DACH1: variants seen among roughly 807,000 people sequenced by gnomAD.
DACH1 encodes dachshund family transcription factor 1.
Under a neutral mutation model 54.2 loss-of-function variants are expected in DACH1, and 12 were observed. That is an observed-to-expected ratio of 0.22 (90% CI 0.14 to 0.36). The LOEUF (loss-of-function observed/expected upper bound fraction) is 0.36, where lower values mean the gene tolerates loss of function less well. Among genes scored for constraint, DACH1 ranks in the 10% least tolerant of loss-of-function variants. The pLI, the probability that DACH1 is intolerant of heterozygous loss-of-function variation, is 1.00. For missense variants in DACH1, 805 were observed against 929.8 expected (o/e 0.87, Z 1.75); for synonymous variants, 386 against 366.2 (o/e 1.05, Z -0.62).
chr13:71,866,665 C>A lies in DACH1; in HGVS notation c.105G>T (p.Ser35=), dbSNP rs367566575. 1 of 1,438,108 alleles carries A rather than the reference C, an allele frequency of 7.0e-7. No individual in the cohort carries two copies. 89.1% of individuals were successfully genotyped at this position (1,438,108 alleles called of 1,614,324 possible). ...SSSGTTTSTS[S]ATSSPAPSIG... ...TGGAAGGAGCCGGAGACGAAGTCGC[C>A]GAAGAGGTGGAGGTGGTGGTGCCAG... is the stretch of plus-strand genomic sequence containing the variant. The change falls in exon 1 of 11, where the codon TCG becomes TCT. Residue 35 remains serine, a synonymous_variant. Coordinates refer to ENST00000613252, the MANE Select transcript of DACH1 (RefSeq NM_080759.6).
At chr13:71,791,348 T>A (rs753948499) in intron 1 of DACH1, among the ~76,000 whole-genome samples, 1 of 151,984 alleles carries the variant, frequency 6.6e-6, no homozygotes, top group Non-Finnish European at 1.5e-5. Flanking sequence ...AATAAGAGGG[T>A]GGAGCTATTC....
intron 1 of DACH1, among the ~76,000 whole-genome samples, chr13:71,720,721 C>A (rs1384824867): frequency 6.6e-6 from 1 of 152,072 alleles, no homozygotes; most frequent in Non-Finnish European, 1.5e-5. Context: ...CTTTGCTATC[C>A]ATATAAAAGA....
At chr13:71,630,484 G>T (rs1451255901) in intron 3 of DACH1, 72 bp downstream of exon 3, 2 of 1,466,066 alleles carry the variant, frequency 1.4e-6, no homozygotes, top group African/African-American at 1.4e-5. Flanking sequence ...CAACAGTTTT[G>T]TTCTGGAAAA....
intron 3 of DACH1, among the ~76,000 whole-genome samples, chr13:71,617,942 G>T (rs961669506): frequency 1.8e-4 from 27 of 152,022 alleles, no homozygotes; most frequent in African/African-American, 6.5e-4. Flanking sequence ...ACTTGTTTTG[G>T]TCTGCTCACT....
At chr13:71,709,840 A>G (rs1882626592) in intron 1 of DACH1, among the ~76,000 whole-genome samples, 1 of 152,142 alleles carries the variant, frequency 6.6e-6, no homozygotes, top group Non-Finnish European at 1.5e-5. Flanking sequence ...AAATAAATAC[A>G]CCCACACACA....
intron 6 of DACH1, among the ~76,000 whole-genome samples, chr13:71,525,406 T>A (rs1397562500): frequency 2.0e-5 from 3 of 152,162 alleles, no homozygotes; most frequent in Non-Finnish European, 4.4e-5. Context: ...AACTAATGGA[T>A]TAATGAAAAC....
chr13:71,773,964 T>C (rs1352105874), intron 1 of DACH1, among the ~76,000 whole-genome samples: 10 of 142,562 alleles, frequency 7.0e-5, no homozygotes, highest in African/African-American at 1.1e-4. Context: ...CCAGTCACTC[T>C]ATTGCCTGTT....
chr13:71,618,331 A>G (rs548510727), intron 3 of DACH1, among the ~76,000 whole-genome samples: 42 of 152,222 alleles, frequency 2.8e-4, no homozygotes, highest in African/African-American at 9.9e-4. Context: ...TAGTTGATAG[A>G]AAAACTCAGA....
intron 3 of DACH1, among the ~76,000 whole-genome samples, chr13:71,592,625 A>G (rs1873816751): frequency 6.6e-6 from 1 of 152,020 alleles, no homozygotes; most frequent in African/African-American, 2.4e-5. Flanking sequence ...TACAAATATT[A>G]TGATTTGAGG....
At position 71,864,870 on chromosome 13, in the gene DACH1, G is replaced by A. The variant is rs553794829; in HGVS notation, c.848+1052C>T. Among the ~76,000 whole-genome samples the A allele has an allele frequency of 1.1e-4, 17 of 152,218 alleles. No homozygotes were observed. In the East Asian group the frequency reaches 2.7e-3, roughly 24 times the overall value. Reference sequence around the variant, plus strand: ...GCTGGGCTGGGGAAGCCAAGGCACAGAGTATCAGGGCCGCTGAGCATCCCA... The same window carrying A: ...GCTGGGCTGGGGAAGCCAAGGCACAAAGTATCAGGGCCGCTGAGCATCCCA... On this transcript the variant is annotated intron_variant, in intron 1 of 10. Transcript: ENST00000613252.
chr13:71,734,869 C>CCCCATATACATATACGTATAT lies in DACH1; in HGVS notation c.849-52980_849-52960dup, dbSNP rs1165879276. On this transcript the variant is annotated intron_variant, in intron 1 of 10. Transcript: ENST00000613252. The stretch of plus-strand genomic sequence containing the variant: ...TATATGTATATCCCATATACGTATA[C>CCCCATATACATATACGTATAT]CCCATATACATATACGTATATCCCA... 6.6e-3 allele frequency among the ~76,000 whole-genome samples: 943 copies of CCCCATATACATATACGTATAT among 143,590 alleles called. 26 individuals are homozygous for CCCCATATACATATACGTATAT. The highest frequency in any genetic ancestry group is 0.034 in the East Asian group (162 of 4,802). The allele number at this position is 143,590 out of a possible 152,430, so 94.2% of individuals were successfully genotyped here.
intron 1 of DACH1, among the ~76,000 whole-genome samples, chr13:71,776,423 A>G (rs887485369): frequency 1.3e-5 from 2 of 152,146 alleles, no homozygotes; most frequent in African/African-American, 4.8e-5. Context: ...GGAAATACCT[A>G]AAGAAAAGTT....
Position 71,471,438 on chromosome 13 carries a change from G to C in DACH1, c.2083+3703C>G, listed in dbSNP as rs116461960. On this transcript the variant is annotated intron_variant, in intron 10 of 10. Coordinates refer to ENST00000613252, the MANE Select transcript of DACH1 (RefSeq NM_080759.6). ...AGATGTCTGAGTGGATTGGAAAAAT[G>C]TCTATAAATTTTCTAAATATGTAAG... Among the ~76,000 whole-genome samples the C allele has an allele frequency of 2.9e-3, 437 of 152,172 alleles. 1 individual carries two copies. The highest frequency in any genetic ancestry group is 9.8e-3 in the African/African-American group (409 of 41,532).
intron 2 of DACH1, among the ~76,000 whole-genome samples, chr13:71,650,175 ATATCATGTGTATTT>A (rs1207135454): frequency 6.6e-6 from 1 of 152,172 alleles, no homozygotes; most frequent in Non-Finnish European, 1.5e-5. Flanking sequence ...ATAACTAATA[ATATCATGTGTATTT>A]CCCCCATATT....
At chr13:71,599,043 A>C (rs1207648745) in intron 3 of DACH1, among the ~76,000 whole-genome samples, 3 of 152,126 alleles carry the variant, frequency 2.0e-5, no homozygotes, top group Non-Finnish European at 4.4e-5. Context: ...TATAGCTCTA[A>C]ACATGTCATT....
At chr13:71,490,423 A>G (rs1422796655) in intron 6 of DACH1, among the ~76,000 whole-genome samples, 1 of 152,176 alleles carries the variant, frequency 6.6e-6, no homozygotes, top group Non-Finnish European at 1.5e-5. Flanking sequence ...CCAAAAGGAA[A>G]GAAAAGCTGG....
At chr13:71,486,451 G>T (rs1390304023) in intron 7 of DACH1, among the ~76,000 whole-genome samples, 3 of 152,032 alleles carry the variant, frequency 2.0e-5, no homozygotes, top group Non-Finnish European at 4.4e-5. Flanking sequence ...GGTCATGACT[G>T]TTTAAACATT....
At chr13:71,638,937 A>G (rs1405309525) in intron 2 of DACH1, among the ~76,000 whole-genome samples, 2 of 152,142 alleles carry the variant, frequency 1.3e-5, no homozygotes, top group African/African-American at 4.8e-5. Context: ...AGCATAGTTC[A>G]ATTCAACAGT....
At chr13:71,807,680 G>A (rs931438620) in intron 1 of DACH1, among the ~76,000 whole-genome samples, 5 of 152,030 alleles carry the variant, frequency 3.3e-5, no homozygotes, top group African/African-American at 1.2e-4. Flanking sequence ...ACATCACATC[G>A]ATGTTAATAT....
Sources: gnomAD v4.1 joint callset for allele counts (sites outside exome capture counted in the v4.1 genomes callset) on GRCh38, gnomAD v4.1.1 for gene constraint, MANE v1.5 for transcripts, NCBI Gene and HGNC (gene_info 2026-07-23, HGNC 2026-07-21) for gene names.